Variants in SLC13A3 observed in about 807,000 individuals in gnomAD.
SLC13A3 encodes the protein Na(+)/dicarboxylate cotransporter 3.
A neutral mutation model predicts 59.0 loss-of-function variants in SLC13A3; 40 were observed. The observed-to-expected ratio is 0.68, with a 90% CI of 0.53 to 0.88. SLC13A3 has a LOEUF of 0.88. Among genes scored for constraint, SLC13A3 ranks in the 40% least tolerant of loss-of-function variants. The pLI is 0.00. For missense variants in SLC13A3, 699 were observed against 783.2 expected, an observed-to-expected ratio of 0.89 and a Z score of 1.28; for synonymous variants, 317 against 330.3, an observed-to-expected ratio of 0.96 and a Z score of 0.44.
intron 3 of SLC13A3, among the ~76,000 whole-genome samples, chr20:46,605,007 C>T (rs11907695): frequency 0.03 from 4,521 of 152,208 alleles, 228 homozygotes; most frequent in African/African-American, 0.1. Context: ...TCTGAGGTTA[C>T]AGATAGGGAA....
At chr20:46,606,581 G>A (rs1406669307) in intron 3 of SLC13A3, among the ~76,000 whole-genome samples, 4 of 152,240 alleles carry the variant, frequency 2.6e-5, no homozygotes. Flanking sequence ...GCTCACGCCT[G>A]TAAGCCCAGT....
upstream of SLC13A3, among the ~76,000 whole-genome samples, chr20:46,654,950 T>G (rs2062973706): frequency 6.6e-6 from 1 of 152,164 alleles, no homozygotes. Context: ...GACATAGAAT[T>G]CTGTTATTTT....
intron 9 of SLC13A3, among the ~76,000 whole-genome samples, chr20:46,581,311 G>T (rs1419945081): frequency 6.6e-6 from 1 of 152,194 alleles, no homozygotes; most frequent in African/African-American, 2.4e-5. Flanking sequence ...ACCAAGGGCA[G>T]CTGATCCATA....
chr20:46,624,069 C>T (rs1026143710), intron 1 of SLC13A3, among the ~76,000 whole-genome samples: 1 of 152,192 alleles, frequency 6.6e-6, no homozygotes, highest in African/African-American at 2.4e-5. Context: ...CTTCCTGGCT[C>T]CTTGCCATCT....
intron 12 of SLC13A3, among the ~76,000 whole-genome samples, chr20:46,561,935 G>A (rs936213313): frequency 8.5e-5 from 13 of 152,174 alleles, no homozygotes; most frequent in Non-Finnish European, 1.8e-4. Flanking sequence ...GAGCGAACCT[G>A]CAGGTGGGCC....
rs11481479 is a variant in SLC13A3, at chr20:46,585,465, T to TA, written c.1122-1797dup. The TA allele has an allele frequency of 5.6e-3, 5,553 of 995,304 alleles. 40 individuals are homozygous for TA. The highest frequency in any genetic ancestry group is 0.033 in the African/African-American group (1,916 of 57,398). The allele number at this position is 995,304 out of a possible 1,614,324, so 61.7% of individuals were successfully genotyped here. A position where few individuals can be genotyped will look rare whatever the true frequency, so the allele number is the denominator to read the frequency against. ...TATGTTGACGTGATCACATTTCTGT[T>TA]AAAAAAATCTTCTTTTAATAGGGTT... On this transcript the variant is annotated intron_variant, in intron 8 of 12. Coordinates refer to ENST00000279027, the MANE Select transcript of SLC13A3 (RefSeq NM_022829.6).
intron 1 of SLC13A3, among the ~76,000 whole-genome samples, chr20:46,647,018 C>A (rs2062901986): frequency 2.0e-5 from 3 of 152,254 alleles, no homozygotes; most frequent in African/African-American, 2.4e-5. Context: ...TACCATCCCC[C>A]CCAAATATCT....
intron 12 of SLC13A3, 79 bp downstream of exon 12, chr20:46,563,335 G>C: frequency 6.6e-7 from 1 of 1,510,828 alleles, no homozygotes; most frequent in Non-Finnish European, 9.0e-7. Flanking sequence ...GCGTGCAGGA[G>C]TCCTGCATAG....
At chr20:46,601,979 T>C (rs373095173) in intron 3 of SLC13A3, among the ~76,000 whole-genome samples, 6 of 152,182 alleles carry the variant, frequency 3.9e-5, no homozygotes, top group African/African-American at 1.4e-4. Flanking sequence ...CTGAGTCAGG[T>C]AGGAACTAGA....
At chr20:46,674,728 C>T (rs2122939259), upstream of SLC13A3, among the ~76,000 whole-genome samples, 1 of 151,756 alleles carries the variant, frequency 6.6e-6, no homozygotes, top group East Asian at 2.0e-4. Flanking sequence ...AGAGAGAATT[C>T]AATTCAATTC....
chr20:46,562,993 T>C (rs979825878), intron 12 of SLC13A3, among the ~76,000 whole-genome samples: 1 of 152,178 alleles, frequency 6.6e-6, no homozygotes, highest in African/African-American at 2.4e-5. Context: ...AGGGAACATA[T>C]TGCCAATGGC....
At chr20:46,635,802 C>T (rs754860970) in intron 1 of SLC13A3, among the ~76,000 whole-genome samples, 2 of 152,206 alleles carry the variant, frequency 1.3e-5, no homozygotes, top group Non-Finnish European at 2.9e-5. Flanking sequence ...ATTCATGAAA[C>T]AGGATGCAGC....
chr20:46,656,169 C>T (rs1342987083), upstream of SLC13A3, among the ~76,000 whole-genome samples: 1 of 142,074 alleles, frequency 7.0e-6, no homozygotes, highest in Non-Finnish European at 1.5e-5. Context: ...ACTGTACAGT[C>T]TGTATTATAT....
rs568619699 is a variant in SLC13A3 at position 46,622,882 on chromosome 20, T to C, written c.112-9157A>G. On this transcript the variant is annotated intron_variant, in intron 1 of 12. Coordinates refer to ENST00000279027, the MANE Select transcript of SLC13A3 (RefSeq NM_022829.6). ...TCAAGTAACCAGAGGAACTTCCTGA[T>C]AAAAACATACCTTTCTCAACTATCA... 2.6e-5 allele frequency among the ~76,000 whole-genome samples: 4 copies of C among 152,248 alleles called. No individual in the cohort carries two copies. The East Asian group carries it at 7.7e-4, about 29-fold the overall frequency.
At chr20:46,664,173 A>C (rs552194717) in intron 1 of SLC13A3, among the ~76,000 whole-genome samples, 1 of 152,210 alleles carries the variant, frequency 6.6e-6, no homozygotes, top group South Asian at 2.1e-4. Context: ...GATTTTTTTT[A>C]AGCTCCAAGC....
At chr20:46,568,306 GA>G (rs2061998341) in intron 10 of SLC13A3, among the ~76,000 whole-genome samples, 3 of 145,648 alleles carry the variant, frequency 2.1e-5, no homozygotes. Flanking sequence ...GCTGAGGCAG[GA>G]TAATCACTTA....
chr20:46,652,620 T>A (rs1178163731), upstream of SLC13A3, among the ~76,000 whole-genome samples: 1 of 150,210 alleles, frequency 6.7e-6, no homozygotes, highest in Admixed American at 6.7e-5. Context: ...GGTCTCGAAC[T>A]CCTGGCCTCA....
chr20:46,674,843 G>A (rs1301730008), upstream of SLC13A3, among the ~76,000 whole-genome samples: 1 of 152,110 alleles, frequency 6.6e-6, no homozygotes, highest in Non-Finnish European at 1.5e-5. Context: ...AATTCTAGAG[G>A]GGGCCACAGA....
intron 1 of SLC13A3, among the ~76,000 whole-genome samples, chr20:46,649,147 T>C (rs1193636335): frequency 1.3e-5 from 2 of 152,120 alleles, no homozygotes; most frequent in Non-Finnish European, 2.9e-5. Flanking sequence ...GCATGGCCCC[T>C]AGCACATGGT....
Sources: gnomAD v4.1 joint callset for allele counts (sites outside exome capture counted in the v4.1 genomes callset) on GRCh38, gnomAD v4.1.1 for gene constraint, MANE v1.5 for transcripts, NCBI Gene and HGNC (gene_info 2026-07-23, HGNC 2026-07-21) for gene names.